The following NCAM1 variants were observed in gnomAD, a reference collection of about 807,000 sequenced individuals.
The protein encoded by NCAM1 is neural cell adhesion molecule 1.
NCAM1 carries 14 observed loss-of-function variants against 109.8 expected under a neutral mutation model. The ratio of observed to expected loss-of-function variants is 0.13; its 90% CI spans 0.08 to 0.20. NCAM1 has a LOEUF of 0.20. NCAM1 is among the 10% of genes least tolerant of loss of function. NCAM1 has a pLI of 1.00. For synonymous variants in NCAM1, 418 were observed against 442.9 expected (o/e 0.94, Z 0.70); for missense variants, 774 against 1,109.9 (o/e 0.70, Z 4.30).
chr11:113,169,646 G>C (rs1478281560), intron 1 of NCAM1, among the ~76,000 whole-genome samples: 2 of 44,956 alleles, frequency 4.4e-5, no homozygotes, highest in African/African-American at 1.3e-4. Context: ...TTTTTTTTTG[G>C]AGATAGGGTC....
At chr11:113,130,920 C>T (rs1591353228) in intron 1 of NCAM1, 2 of 152,120 alleles carry the variant, frequency 1.3e-5, no homozygotes, top group Non-Finnish European at 2.9e-5. Flanking sequence ...AGTCCTTCGT[C>T]GAATTGTTCA....
chr11:113,168,858 G>A (rs1213526709), intron 1 of NCAM1, among the ~76,000 whole-genome samples: 1 of 152,120 alleles, frequency 6.6e-6, no homozygotes, highest in Non-Finnish European at 1.5e-5. Flanking sequence ...ATCCAGATGT[G>A]GGGGAGGCCA....
intron 1 of NCAM1, among the ~76,000 whole-genome samples, chr11:113,154,578 G>A (rs1364241816): frequency 1.3e-5 from 2 of 152,154 alleles, no homozygotes; most frequent in Non-Finnish European, 2.9e-5. Context: ...TTTTGGCTGT[G>A]AGCATGGATA....
At chr11:112,971,779 A>G (rs1950888888) in intron 1 of NCAM1, among the ~76,000 whole-genome samples, 1 of 152,186 alleles carries the variant, frequency 6.6e-6, no homozygotes, top group African/African-American at 2.4e-5. Context: ...CAGAGTCAGG[A>G]TAAATATTGC....
chr11:112,981,211 GA>G (rs1291353629), intron 1 of NCAM1, among the ~76,000 whole-genome samples: 8 of 150,380 alleles, frequency 5.3e-5, no homozygotes, highest in Admixed American at 4.0e-4. Context: ...TCTGTGCATA[GA>G]AAAAAAAACC....
intron 17 of NCAM1, among the ~76,000 whole-genome samples, chr11:113,268,909 G>C (rs1946203329): frequency 6.6e-6 from 1 of 152,194 alleles, no homozygotes; most frequent in Non-Finnish European, 1.5e-5. Context: ...TCTTCAGTCT[G>C]CAGTCCTGGG....
intron 1 of NCAM1, among the ~76,000 whole-genome samples, chr11:113,177,966 G>T (rs941867791): frequency 1.2e-4 from 18 of 152,130 alleles, no homozygotes; most frequent in Non-Finnish European, 2.5e-4. Context: ...CACTAGAGGA[G>T]AGTGGGTGGG....
chr11:113,160,987 A>G (rs1360739648), intron 1 of NCAM1, among the ~76,000 whole-genome samples: 1 of 152,106 alleles, frequency 6.6e-6, no homozygotes, highest in African/African-American at 2.4e-5. Context: ...CCCACTCCCT[A>G]TGGATGTGTT....
intron 1 of NCAM1, among the ~76,000 whole-genome samples, chr11:113,067,181 A>G (rs1938007078): frequency 6.6e-6 from 1 of 152,178 alleles, no homozygotes; most frequent in Admixed American, 6.5e-5. Flanking sequence ...TAGGTGGTCA[A>G]TAAAGGGAAT....
At chr11:113,197,110 A>T (rs1485169149) in intron 1 of NCAM1, 1 of 161,542 alleles carries the variant, frequency 6.2e-6, no homozygotes, top group Admixed American at 6.2e-5. Flanking sequence ...ACTCACTATC[A>T]TGAGAACAGC....
chr11:113,091,907 A>C (rs1310097856), intron 1 of NCAM1, among the ~76,000 whole-genome samples: 2 of 152,242 alleles, frequency 1.3e-5, no homozygotes, highest in African/African-American at 2.4e-5. Context: ...CAGAGGCAAA[A>C]GGAACAAATA....
At chr11:113,155,289 G>A (rs893079142) in intron 1 of NCAM1, among the ~76,000 whole-genome samples, 4 of 152,022 alleles carry the variant, frequency 2.6e-5, no homozygotes, top group East Asian at 1.9e-4. Flanking sequence ...AGGCCGAGGC[G>A]GGTGGATCAC....
chr11:113,185,215 A>G (rs1219167934), intron 1 of NCAM1, among the ~76,000 whole-genome samples: 1 of 151,874 alleles, frequency 6.6e-6, no homozygotes, highest in Non-Finnish European at 1.5e-5. Flanking sequence ...TCTAGTTTCA[A>G]TCTGAGTCCA....
intron 1 of NCAM1, among the ~76,000 whole-genome samples, chr11:113,194,571 G>A (rs1943620): frequency 0.42 from 63,689 of 152,068 alleles, 14,894 homozygotes; most frequent in African/African-American, 0.62. Flanking sequence ...ATGTCTATAT[G>A]TTATCTGAAA....
intron 1 of NCAM1, among the ~76,000 whole-genome samples, chr11:112,964,620 T>C (rs1950682780): frequency 6.6e-6 from 1 of 152,302 alleles, no homozygotes; most frequent in East Asian, 1.9e-4. Flanking sequence ...TTCCACAAAG[T>C]TGACTGTGAG....
chr11:113,171,516 C>G (rs1232230161), intron 1 of NCAM1, among the ~76,000 whole-genome samples: 3 of 152,090 alleles, frequency 2.0e-5, no homozygotes, highest in Non-Finnish European at 4.4e-5. Flanking sequence ...GCCTGTAATC[C>G]CAGCTACTCA....
At chr11:113,126,311 A>G (rs1340982407) in intron 1 of NCAM1, among the ~76,000 whole-genome samples, 1 of 151,750 alleles carries the variant, frequency 6.6e-6, no homozygotes, top group Non-Finnish European at 1.5e-5. Context: ...GCTTTCCAGT[A>G]TCAGCTCTGG....
intron 1 of NCAM1, among the ~76,000 whole-genome samples, chr11:113,151,549 A>G (rs1350294740): frequency 6.6e-6 from 1 of 152,230 alleles, no homozygotes; most frequent in Non-Finnish European, 1.5e-5. Flanking sequence ...TTGTGTAGAA[A>G]AAGCCATAGA....
chr11:113,029,828 G>C (rs1952660530), intron 1 of NCAM1, among the ~76,000 whole-genome samples: 1 of 152,158 alleles, frequency 6.6e-6, no homozygotes, highest in Admixed American at 6.5e-5. Context: ...GAGCTGGTAA[G>C]ACTGGTGGAG....
Sources: gnomAD v4.1 joint callset for allele counts (sites outside exome capture counted in the v4.1 genomes callset) on GRCh38, gnomAD v4.1.1 for gene constraint, MANE v1.5 for transcripts, NCBI Gene and HGNC (gene_info 2026-07-23, HGNC 2026-07-21) for gene names.